IFIT1: variants seen among roughly 807,000 people sequenced by gnomAD.
IFIT1 encodes interferon induced protein with tetratricopeptide repeats 1.
In IFIT1, 1 loss-of-function variant was observed where a neutral mutation model predicts 2.5. The observed-to-expected ratio is 0.40, with a 90% CI of 0.14 to 1.92. IFIT1 has a LOEUF of 1.92. Ranked by LOEUF, IFIT1 falls within the 40% of genes most tolerant of loss-of-function variation. The pLI, the probability that IFIT1 is intolerant of heterozygous loss-of-function variation, is 0.31. For synonymous variants in IFIT1, 191 were observed against 201.7 expected (o/e 0.95, Z 0.45); for missense variants, 508 against 557.8 (o/e 0.91, Z 0.90).
chr10:89,400,534 T>C (rs541336109), intron 1 of IFIT1, among the ~76,000 whole-genome samples: 1 of 152,336 alleles, frequency 6.6e-6, no homozygotes, highest in African/African-American at 2.4e-5. Context: ...TTTGATGCTA[T>C]TTTTGTAAAT....
rs1844282029 is a variant in IFIT1, at chr10:89,393,106, G to A, written c.5+389G>A. On this transcript the variant is annotated intron_variant, in intron 1 of 1. Coordinates refer to ENST00000371804, the MANE Select transcript of IFIT1 (RefSeq NM_001548.5). ...CTGAGTAGAGGCATTGCTTTCTGCA[G>A]GTTCTTTACCACAGAGAAAAAGCAG... 6 of 1,294,526 alleles carry A rather than the reference G, an allele frequency of 4.6e-6. No individual in the cohort carries two copies. The South Asian group carries it at 7.4e-5, about 16-fold the overall frequency. The allele number at this position is 1,294,526 out of a possible 1,614,324, so 80.2% of individuals were successfully genotyped here. A position where few individuals can be genotyped will look rare whatever the true frequency, so the allele number is the denominator to read the frequency against.
At chr10:89,398,883 G>A (rs1844382355) in intron 1 of IFIT1, among the ~76,000 whole-genome samples, 1 of 152,048 alleles carries the variant, frequency 6.6e-6, no homozygotes, top group African/African-American at 2.4e-5. Flanking sequence ...TTCTTTTTGG[G>A]TATAAAACCA....
Position 89,405,661 on chromosome 10 carries a change from A to T in IFIT1, c.*1949A>T, listed in dbSNP as rs1844517903. 6.6e-6 allele frequency: 1 copy of T among 152,184 alleles called. No individual in the cohort carries two copies. The highest frequency in any genetic ancestry group is 2.4e-5 in the African/African-American group (1 of 41,428). 9.4% of individuals were successfully genotyped at this position (152,184 alleles called of 1,614,324 possible). ...CTGCCTGAATTCTTTCATCCATCTTAAAAACCAACAGTGTAGTAGCCTCAA... is the reference window on the plus strand; with the variant it reads ...CTGCCTGAATTCTTTCATCCATCTTTAAAACCAACAGTGTAGTAGCCTCAA... On this transcript the variant is annotated 3_prime_UTR_variant, in exon 2 of 2. Coordinates refer to ENST00000371804, the MANE Select transcript of IFIT1 (RefSeq NM_001548.5).
rs1387820639 is a variant in IFIT1, at chr10:89,405,312, C to T, written c.*1600C>T. The T allele has an allele frequency of 6.6e-6, 1 of 152,096 alleles. No homozygotes were observed. The highest frequency in any genetic ancestry group is 1.5e-5 in the Non-Finnish European group (1 of 68,032). 9.4% of individuals were successfully genotyped at this position (152,096 alleles called of 1,614,324 possible). A position where few individuals can be genotyped will look rare whatever the true frequency, so the allele number is the denominator to read the frequency against. On this transcript the variant is annotated 3_prime_UTR_variant, in exon 2 of 2. Coordinates refer to ENST00000371804, the MANE Select transcript of IFIT1 (RefSeq NM_001548.5). ...ATGAAAATGTTGCTAAATCAGAGAT[C>T]ATGGGTAACAATCACCTTTGATTAT...
In IFIT1 at chr10:89,402,360, G is replaced by A. The variant is rs749030208; in HGVS notation, c.85G>A (p.Asp29Asn). 2 of 1,614,124 alleles carry A rather than the reference G, an allele frequency of 1.2e-6. No individual in the cohort carries two copies. The highest frequency in any genetic ancestry group is 1.7e-6 in the Non-Finnish European group (2 of 1,179,954). Residue 29 changes from aspartate to asparagine, a missense_variant, in exon 2 of 2, where the codon GAC becomes AAC. Transcript: ENST00000371804. ...CTTTACATGGGAGTTATCCATTGAT[G>A]ACGATGAAATGCCTGATTTAGAAAA... ...CHFTWELSIDDDEMPDLENRV... is the reference protein window; with the variant it reads ...CHFTWELSIDNDEMPDLENRV...
At chr10:89,397,532 G>A (rs925852362) in intron 1 of IFIT1, among the ~76,000 whole-genome samples, 6 of 152,158 alleles carry the variant, frequency 3.9e-5, no homozygotes, top group African/African-American at 1.4e-4. Flanking sequence ...AATGGCTAGA[G>A]GCTTAGGGCA....
intron 1 of IFIT1, among the ~76,000 whole-genome samples, chr10:89,399,965 G>T (rs1844398824): frequency 6.6e-6 from 1 of 152,108 alleles, no homozygotes. Context: ...GAACCAAATT[G>T]GTTGTCACCT....
chr10:89,393,052 C>A, intron 1 of IFIT1: 1 of 967,534 alleles, frequency 1.0e-6, no homozygotes, highest in South Asian at 1.5e-5. Flanking sequence ...TCACTTCTGT[C>A]TGATATGGGG....
At chr10:89,400,891 T>C (rs1280555059) in intron 1 of IFIT1, among the ~76,000 whole-genome samples, 1 of 152,128 alleles carries the variant, frequency 6.6e-6, no homozygotes, top group Non-Finnish European at 1.5e-5. Flanking sequence ...ATACTAGCTA[T>C]AGGTTTTTCA....
At position 89,403,543 on chromosome 10, in the gene IFIT1, A is replaced by G. The variant is rs771525327; in HGVS notation, c.1268A>G (p.Lys423Arg). Residue 423 changes from lysine (K) to arginine (R), a missense_variant, in exon 2 of 2, where the codon AAG (lysine) becomes AGG (arginine). Transcript: ENST00000371804. ...LTRDKSINSL[K>R]KLVLRKLRRK... The stretch of plus-strand genomic sequence containing the variant: ...AGGGATAAAAGTATCAATTCTTTGA[A>G]GAAATTGGTTTTAAGGAAACTTCGG... 6.2e-7 allele frequency: 1 copy of G among 1,614,084 alleles called. No homozygotes were observed. The highest frequency in any genetic ancestry group is 8.5e-7 in the Non-Finnish European group (1 of 1,179,978).
intron 1 of IFIT1, chr10:89,393,412 A>C (rs376145216): frequency 1.3e-6 from 1 of 746,848 alleles, no homozygotes. Context: ...AAAGGGCCTA[A>C]TGTGGGAATT....
At chr10:89,393,623 G>A (rs1027242357) in intron 1 of IFIT1, among the ~76,000 whole-genome samples, 1 of 152,202 alleles carries the variant, frequency 6.6e-6, no homozygotes, top group Non-Finnish European at 1.5e-5. Flanking sequence ...CCAGCTACTT[G>A]GGAGGCTGAG....
Position 89,403,030 on chromosome 10 carries a change from A to G in IFIT1, c.755A>G (p.Tyr252Cys), listed in dbSNP as rs1251460365. ...EALANMSSQTYVFRYAAKFYR... is the reference protein window; with the variant it reads ...EALANMSSQTCVFRYAAKFYR... ...CTAGCCAACATGTCCTCACAGACCT[A>G]TGTCTTTCGATATGCAGCCAAGTTT... Residue 252 changes from tyrosine to cysteine, a missense_variant, in exon 2 of 2, where the codon TAT becomes TGT. Transcript: ENST00000371804. The G allele has an allele frequency of 3.7e-6, 6 of 1,614,130 alleles. No homozygotes were observed. Among genetic ancestry groups the G allele is most frequent in the Non-Finnish European group, 5.1e-6 (6 of 1,180,042 alleles).
At position 89,402,389 on chromosome 10, in the gene IFIT1, A is replaced by G; in HGVS notation, c.114A>G (p.Arg38=). The change falls in exon 2 of 2, where the codon AGA becomes AGG. Residue 38 remains arginine (R), a synonymous_variant. Coordinates refer to ENST00000371804, the MANE Select transcript of IFIT1 (RefSeq NM_001548.5). ...DDDEMPDLEN[R]VLDQIEFLDT... ...ATGAAATGCCTGATTTAGAAAACAG[A>G]GTCTTGGATCAGATTGAATTCCTAG... is the stretch of plus-strand genomic sequence containing the variant. The G allele has an allele frequency of 6.2e-7, 1 of 1,614,136 alleles. No homozygotes were observed. Among genetic ancestry groups the G allele is most frequent in the Non-Finnish European group, 8.5e-7 (1 of 1,179,952 alleles).
intron 1 of IFIT1, chr10:89,392,993 C>T: frequency 1.4e-6 from 1 of 718,392 alleles, no homozygotes; most frequent in South Asian, 1.9e-5. Context: ...AAGAGTTTTG[C>T]AGGAAGGGAG....
In IFIT1 at chr10:89,402,505, A is replaced by G. The variant is rs1434383366; in HGVS notation, c.230A>G (p.Glu77Gly). The change falls in exon 2 of 2, where the codon GAA becomes GGA. Residue 77 changes from glutamate to glycine, a missense_variant. Transcript: ENST00000371804. Reference protein sequence around the residue: ...QNEEALKSLKEAENLMQEEHD... With the variant: ...QNEEALKSLKGAENLMQEEHD... Reference sequence around the variant, plus strand: ...GAGGAAGCCCTGAAGAGCTTAAAAGAAGCTGAAAACTTAATGCAGGAAGAA... The same window carrying G: ...GAGGAAGCCCTGAAGAGCTTAAAAGGAGCTGAAAACTTAATGCAGGAAGAA... The G allele has an allele frequency of 1.9e-6, 3 of 1,614,082 alleles. No homozygotes were observed. Among genetic ancestry groups the G allele is most frequent in the Non-Finnish European group, 2.5e-6 (3 of 1,180,038 alleles).
chr10:89,402,353 C>T lies in IFIT1; in HGVS notation c.78C>T (p.Ser26=), dbSNP rs777859063. 3.5e-5 allele frequency: 57 copies of T among 1,613,902 alleles called. No homozygotes were observed. Among genetic ancestry groups the T allele is most frequent in the Non-Finnish European group, 3.4e-6 (4 of 1,179,930 alleles). Reference sequence around the variant, plus strand: ...GATGTCACTTTACATGGGAGTTATCCATTGATGACGATGAAATGCCTGATT... The same window carrying T: ...GATGTCACTTTACATGGGAGTTATCTATTGATGACGATGAAATGCCTGATT... ...QLRCHFTWEL[S]IDDDEMPDLE... The change falls in exon 2 of 2, where the codon TCC becomes TCT. Residue 26 remains serine, a synonymous_variant. Coordinates refer to ENST00000371804, the MANE Select transcript of IFIT1 (RefSeq NM_001548.5).
At chr10:89,401,372 C>T (rs1164379396) in intron 1 of IFIT1, among the ~76,000 whole-genome samples, 2 of 152,038 alleles carry the variant, frequency 1.3e-5, no homozygotes, top group South Asian at 2.1e-4. Context: ...CCACCTGCCT[C>T]GGCCTCCCAA....
At chr10:89,400,486 C>T (rs968071951) in intron 1 of IFIT1, among the ~76,000 whole-genome samples, 3 of 152,038 alleles carry the variant, frequency 2.0e-5, no homozygotes, top group African/African-American at 4.8e-5. Context: ...AAGTCTTTTG[C>T]CTCCTAGGTT....
Sources: allele counts gnomAD v4.1 joint callset (sites outside exome capture counted in the v4.1 genomes callset), GRCh38; gene constraint gnomAD v4.1.1; transcripts MANE v1.5; gene names NCBI Gene and HGNC (gene_info 2026-07-23, HGNC 2026-07-21).